RPTOR: variants seen among roughly 807,000 people sequenced by gnomAD.
The protein encoded by RPTOR is regulatory-associated protein of mTOR.
Under a neutral mutation model 169.9 loss-of-function variants are expected in RPTOR, and 21 were observed. The observed-to-expected ratio is 0.12, with a 90% CI of 0.09 to 0.18. The LOEUF is 0.18. RPTOR is among the 10% of genes least tolerant of loss of function. The pLI is 1.00. For synonymous variants in RPTOR, 732 were observed against 753.2 expected (o/e 0.97, Z 0.46); for missense variants, 1,133 against 1,855.9 (o/e 0.61, Z 7.16).
intron 5 of RPTOR, among the ~76,000 whole-genome samples, chr17:80,736,137 C>T (rs750361300): frequency 6.6e-6 from 1 of 151,982 alleles, no homozygotes; most frequent in Non-Finnish European, 1.5e-5. Flanking sequence ...TGCCACTGCA[C>T]CTCAGCCTAG....
intron 1 of RPTOR, among the ~76,000 whole-genome samples, chr17:80,619,800 C>G (rs1291344910): frequency 2.0e-5 from 3 of 152,144 alleles, no homozygotes; most frequent in Non-Finnish European, 4.4e-5. Flanking sequence ...ATCACATTAT[C>G]CTTTCACCAA....
chr17:80,608,830 G>T (rs543120466), intron 1 of RPTOR, among the ~76,000 whole-genome samples: 1 of 152,222 alleles, frequency 6.6e-6, no homozygotes, highest in Non-Finnish European at 1.5e-5. Context: ...GGGCAGATGC[G>T]GGAACAGGTG....
chr17:80,920,749 CTTCAT>C (rs2068735691), intron 21 of RPTOR, among the ~76,000 whole-genome samples: 1 of 152,240 alleles, frequency 6.6e-6, no homozygotes, highest in South Asian at 2.1e-4. Flanking sequence ...TTGCTAAAGG[CTTCAT>C]TTCAACTCCA....
chr17:80,545,093 TG>T lies in RPTOR; in HGVS notation c.-535del, dbSNP rs1270597246. 3 of 233,626 alleles carry T rather than the reference TG, an allele frequency of 1.3e-5. No homozygotes were observed. Among genetic ancestry groups the T allele is most frequent in the Non-Finnish European group, 2.5e-5 (3 of 118,128 alleles). 14.5% of individuals were successfully genotyped at this position (233,626 alleles called of 1,614,324 possible). On this transcript the variant is annotated 5_prime_UTR_variant, in exon 1 of 34. The change abolishes the stop of an existing upstream ORF in the 5' untranslated region. Coordinates refer to ENST00000306801, the MANE Select transcript of RPTOR (RefSeq NM_020761.3). ...GAGCACGATGGGCCGGTCGTGGCTC[TG>T]GTTGCAGCAGCTCAGACGAGTGCGG...
intron 21 of RPTOR, among the ~76,000 whole-genome samples, chr17:80,918,510 T>TCGCCGGAGTCATAGCCAC (rs1567986217): frequency 3.9e-5 from 4 of 102,038 alleles, no homozygotes; most frequent in South Asian, 2.7e-4. Flanking sequence ...GTCATAGCCA[T>TCGCCGGAGTCATAGCCAC]GAGCACCCTC....
intron 7 of RPTOR, among the ~76,000 whole-genome samples, chr17:80,818,987 C>T (rs1018639967): frequency 2.0e-5 from 3 of 152,190 alleles, no homozygotes; most frequent in African/African-American, 7.2e-5. Context: ...AGCAGGGGCT[C>T]TATGAGCTTC....
Position 80,608,189 on chromosome 17 carries a change from G to C in RPTOR, c.163-17502G>C, listed in dbSNP as rs1407972533. Among the ~76,000 whole-genome samples the C allele has an allele frequency of 2.0e-5, 3 of 152,154 alleles. No homozygotes were observed. The South Asian group carries it at 6.2e-4, about 31-fold the overall frequency. ...CCACTCCTGCCACCTGCCCCTGCCCGACGGCGCAGCACAGTGACAGCGACT... is the reference window on the plus strand; with the variant it reads ...CCACTCCTGCCACCTGCCCCTGCCCCACGGCGCAGCACAGTGACAGCGACT... On this transcript the variant is annotated intron_variant, in intron 1 of 33. Transcript: ENST00000306801.
At chr17:80,964,023 G>A (rs903862557) in intron 33 of RPTOR, among the ~76,000 whole-genome samples, 1 of 152,180 alleles carries the variant, frequency 6.6e-6, no homozygotes, top group African/African-American at 2.4e-5. Flanking sequence ...CCGTGGGGCA[G>A]TCCTGAAAAA....
chr17:80,927,868 C>T (rs1425591508), intron 24 of RPTOR, among the ~76,000 whole-genome samples: 1 of 151,914 alleles, frequency 6.6e-6, no homozygotes, highest in Non-Finnish European at 1.5e-5. Context: ...TGAGAATTCC[C>T]GCCCGCACGG....
chr17:80,683,162 T>C (rs1024981228), intron 3 of RPTOR, among the ~76,000 whole-genome samples: 3 of 151,746 alleles, frequency 2.0e-5, no homozygotes, highest in African/African-American at 7.3e-5. Context: ...CGCACTGGCC[T>C]GGGAGCGGAC....
At chr17:80,704,054 G>A (rs551286164) in intron 3 of RPTOR, among the ~76,000 whole-genome samples, 8 of 152,262 alleles carry the variant, frequency 5.3e-5, no homozygotes, top group African/African-American at 1.4e-4. Context: ...AGACATGGGC[G>A]AGATGGGGCT....
intron 6 of RPTOR, among the ~76,000 whole-genome samples, chr17:80,759,837 A>T (rs1161419519): frequency 1.3e-5 from 2 of 152,222 alleles, no homozygotes; most frequent in Non-Finnish European, 2.9e-5. Flanking sequence ...TTAAAAGTAG[A>T]AAAAAATCAT....
chr17:80,644,973 A>G (rs965454034), intron 3 of RPTOR, among the ~76,000 whole-genome samples: 1 of 152,168 alleles, frequency 6.6e-6, no homozygotes, highest in Admixed American at 6.5e-5. Flanking sequence ...CTGATGCCTA[A>G]TGGCTTGACT....
chr17:80,599,905 A>G (rs1227836076), intron 1 of RPTOR, among the ~76,000 whole-genome samples: 1 of 152,206 alleles, frequency 6.6e-6, no homozygotes, highest in Non-Finnish European at 1.5e-5. Context: ...TCCAGGCAGA[A>G]AATTCAAAGT....
chr17:80,789,778 A>G (rs978354628), intron 6 of RPTOR, among the ~76,000 whole-genome samples: 2 of 152,228 alleles, frequency 1.3e-5, no homozygotes, highest in African/African-American at 4.8e-5. Context: ...TCTAAGGGTC[A>G]CGGCCCTTCC....
At chr17:80,553,056 T>C (rs2084364702) in intron 1 of RPTOR, among the ~76,000 whole-genome samples, 1 of 152,240 alleles carries the variant, frequency 6.6e-6, no homozygotes, top group Non-Finnish European at 1.5e-5. Context: ...ACTCTGTTGA[T>C]ACCTGCACTG....
At chr17:80,723,005 G>T (rs763411680) in intron 4 of RPTOR, among the ~76,000 whole-genome samples, 28 of 151,440 alleles carry the variant, frequency 1.8e-4, no homozygotes, top group Non-Finnish European at 3.1e-4. Flanking sequence ...TGTTTTGGAG[G>T]ATGTCCCTCA....
At chr17:80,809,618 T>G (rs1448464843) in intron 7 of RPTOR, among the ~76,000 whole-genome samples, 1 of 152,248 alleles carries the variant, frequency 6.6e-6, no homozygotes, top group Non-Finnish European at 1.5e-5. Context: ...GATGTTCAAG[T>G]CTCTTGCCAA....
chr17:80,618,713 G>C (rs1212876062), intron 1 of RPTOR, among the ~76,000 whole-genome samples: 1 of 152,210 alleles, frequency 6.6e-6, no homozygotes, highest in South Asian at 2.1e-4. Context: ...TCAAGGTAAC[G>C]AGCTGAGCTC....
Sources: allele counts gnomAD v4.1 joint callset (sites outside exome capture counted in the v4.1 genomes callset), GRCh38; gene constraint gnomAD v4.1.1; transcripts MANE v1.5; gene names NCBI Gene and HGNC (gene_info 2026-07-23, HGNC 2026-07-21).